PCDHA4: variants seen among roughly 807,000 people sequenced by gnomAD.
PCDHA4 encodes the protein protocadherin alpha-4.
In PCDHA4, 49 loss-of-function variants were observed where a neutral mutation model predicts 61.4. The ratio of observed to expected loss-of-function variants is 0.80; its 90% CI spans 0.63 to 1.01. The LOEUF is 1.01. Among genes scored for constraint, PCDHA4 ranks in the 50% least tolerant of loss-of-function variants. PCDHA4 has a pLI of 0.00. For synonymous variants in PCDHA4, 590 were observed against 550.3 expected (o/e 1.07, Z -1.01); for missense variants, 1,254 against 1,235.8 (o/e 1.01, Z -0.22).
chr5:140,816,123 A>G (rs1424717424), intron 1 of PCDHA4: 2 of 152,126 alleles, frequency 1.3e-5, no homozygotes, highest in Non-Finnish European at 2.9e-5. Context: ...CTTCTTTTGA[A>G]ACTGTCATAA....
At chr5:140,997,563 A>G (rs891862395) in intron 3 of PCDHA4, among the ~76,000 whole-genome samples, 7 of 152,202 alleles carry the variant, frequency 4.6e-5, no homozygotes, top group Non-Finnish European at 8.8e-5. Context: ...GACAACTGTC[A>G]TATGTGTGGT....
intron 1 of PCDHA4, among the ~76,000 whole-genome samples, chr5:140,977,308 A>G (rs2096754925): frequency 6.6e-6 from 1 of 152,230 alleles, no homozygotes; most frequent in South Asian, 2.1e-4. Context: ...CAAGCTAACG[A>G]TAGTGCTCCT....
intron 1 of PCDHA4, chr5:140,857,265 T>G: frequency 1.3e-6 from 2 of 1,598,672 alleles, no homozygotes; most frequent in Non-Finnish European, 1.7e-6. Flanking sequence ...TACTACTCAT[T>G]GGTGCTGGAC....
chr5:140,808,617 T>G lies in PCDHA4; in HGVS notation c.1430T>G (p.Val477Gly). Residue 477 changes from valine to glycine, a missense_variant, in exon 1 of 4, where the codon GTG (valine) becomes GGG (glycine). By Grantham distance (109) the Val-to-Gly change is moderately radical. Transcript: ENST00000530339. ...NNPPGCHIFT[V>G]SAWDADAQEN... is the part of the protein sequence containing the mutation. ...CCGCCGGGCTGCCACATCTTCACTG[T>G]GTCTGCGTGGGACGCGGACGCGCAG... 1 of 1,613,786 alleles carries G rather than the reference T, an allele frequency of 6.2e-7. No homozygotes were observed. Among genetic ancestry groups the G allele is most frequent in the South Asian group, 1.1e-5 (1 of 91,066 alleles).
At chr5:140,862,203 C>G (rs1481623018) in intron 1 of PCDHA4, 1 of 175,658 alleles carries the variant, frequency 5.7e-6, no homozygotes, top group Non-Finnish European at 1.2e-5. Context: ...AATGTTTGAT[C>G]ACTGCACAGA....
intron 1 of PCDHA4, among the ~76,000 whole-genome samples, chr5:140,889,879 T>G (rs2062416989): frequency 6.6e-6 from 1 of 152,162 alleles, no homozygotes; most frequent in South Asian, 2.1e-4. Flanking sequence ...CCTGCCACCA[T>G]GTAAGAATTC....
At chr5:140,875,236 C>G (rs2055366681) in intron 1 of PCDHA4, 2 of 889,228 alleles carry the variant, frequency 2.2e-6, no homozygotes, top group East Asian at 2.9e-5. Context: ...CTTTCTTGTA[C>G]TTACATAATC....
rs2098422801 is a variant in PCDHA4, at chr5:141,012,055, C to T, written c.*2118C>T. On this transcript the variant is annotated 3_prime_UTR_variant, in exon 4 of 4. Coordinates refer to ENST00000530339, the MANE Select transcript of PCDHA4 (RefSeq NM_018907.4). ...GGATTGCATGGGGTAAAACTTGTTA[C>T]CAACACATGTGAACCATTGCTACAT... The T allele has an allele frequency of 6.5e-6, 1 of 153,666 alleles. No individual in the cohort carries two copies. Among genetic ancestry groups the T allele is most frequent in the African/African-American group, 2.4e-5 (1 of 41,404 alleles). 9.5% of individuals were successfully genotyped at this position (153,666 alleles called of 1,614,324 possible).
intron 1 of PCDHA4, among the ~76,000 whole-genome samples, chr5:140,937,282 C>T (rs2091446146): frequency 6.6e-6 from 1 of 152,060 alleles, no homozygotes; most frequent in Admixed American, 6.6e-5. Context: ...CGTGATTCAC[C>T]CGCTTCGGCC....
chr5:140,998,042 C>T (rs187874119), intron 3 of PCDHA4, among the ~76,000 whole-genome samples: 21 of 152,284 alleles, frequency 1.4e-4, no homozygotes, highest in Non-Finnish European at 2.2e-4. Flanking sequence ...TGTCACTTAA[C>T]TCAGTGACAT....
chr5:140,823,077 G>A (rs1470317828), intron 1 of PCDHA4: 4 of 1,614,028 alleles, frequency 2.5e-6, no homozygotes, highest in Non-Finnish European at 3.4e-6. Flanking sequence ...CGCCTTCGCT[G>A]TGGGCCACCG....
intron 1 of PCDHA4, chr5:140,884,562 A>G (rs782650365): frequency 3.1e-6 from 5 of 1,614,166 alleles, no homozygotes; most frequent in Admixed American, 1.7e-5. Flanking sequence ...GAGGGCCCGC[A>G]TAAGACGGAC....
chr5:140,968,801 G>T, intron 1 of PCDHA4: 1 of 1,614,216 alleles, frequency 6.2e-7, no homozygotes, highest in Non-Finnish European at 8.5e-7. Context: ...CATTACAGTA[G>T]CTGTGGTGGA....
chr5:140,923,641 T>C (rs2081461052), intron 1 of PCDHA4, among the ~76,000 whole-genome samples: 1 of 152,230 alleles, frequency 6.6e-6, no homozygotes. Context: ...CAAAAATCTT[T>C]AGCCTCCCTT....
chr5:140,840,957 C>G (rs1381894939), intron 1 of PCDHA4, among the ~76,000 whole-genome samples: 3 of 151,928 alleles, frequency 2.0e-5, no homozygotes, highest in Non-Finnish European at 4.4e-5. Context: ...GGAAGAAATT[C>G]CTTTCCTTAT....
chr5:140,834,241 G>C, intron 1 of PCDHA4: 1 of 811,066 alleles, frequency 1.2e-6, no homozygotes, highest in Non-Finnish European at 1.9e-6. Flanking sequence ...ATTCCTTTTC[G>C]CACTGGAAAG....
rs2150129510 is a variant in PCDHA4 at position 140,823,826 on chromosome 5, G to A, written c.2385+14254G>A. On this transcript the variant is annotated intron_variant, in intron 1 of 3. Transcript: ENST00000530339. ...AAGGCCTCATCGCGGGCGTCGGCGG[G>A]CGCTGTGGGTCCCGAGGCTGCCCTG... 66 of 1,613,702 alleles carry A rather than the reference G, an allele frequency of 4.1e-5. No individual in the cohort carries two copies. The highest frequency in any genetic ancestry group is 5.4e-5 in the Non-Finnish European group (64 of 1,179,920).
chr5:140,918,153 C>A (rs1554198452), intron 1 of PCDHA4, among the ~76,000 whole-genome samples: 2 of 152,036 alleles, frequency 1.3e-5, no homozygotes, highest in African/African-American at 2.4e-5. Flanking sequence ...TTGTGTATGT[C>A]TATTGTAAAT....
chr5:140,835,973 G>A lies in PCDHA4; in HGVS notation c.2385+26401G>A, dbSNP rs2150249299. On this transcript the variant is annotated intron_variant, in intron 1 of 3. Coordinates refer to ENST00000530339, the MANE Select transcript of PCDHA4 (RefSeq NM_018907.4). ...CGTTGGACCACGAGGAGCTGGAGCT[G>A]TTGCAGTTCCAGGTGAGCGCGCGCG... 16 of 1,613,272 alleles carry A rather than the reference G, an allele frequency of 9.9e-6. No homozygotes were observed. The African/African-American group carries it at 2.0e-4, about 20-fold the overall frequency.
Sources: allele counts gnomAD v4.1 joint callset (sites outside exome capture counted in the v4.1 genomes callset), GRCh38; gene constraint gnomAD v4.1.1; transcripts MANE v1.5; gene names NCBI Gene and HGNC (gene_info 2026-07-23, HGNC 2026-07-21).